TCERG1L: variants seen among roughly 807,000 people sequenced by gnomAD.
TCERG1L encodes transcription elongation regulator 1-like protein.
In TCERG1L, 37 loss-of-function variants were observed where a neutral mutation model predicts 56.3. That is an observed-to-expected ratio of 0.66 (90% CI 0.51 to 0.87). TCERG1L has a LOEUF of 0.87. Among genes scored for constraint, TCERG1L ranks in the 40% least tolerant of loss-of-function variants. The probability of loss-of-function intolerance (pLI) is 0.00; values close to 1 mark genes in which losing one functional copy is unlikely to be tolerated. For missense variants in TCERG1L, 799 were observed against 774.2 expected (o/e 1.03, Z -0.38); for synonymous variants, 324 against 326.3 (o/e 0.99, Z 0.08).
intron 3 of TCERG1L, among the ~76,000 whole-genome samples, chr10:131,271,382 C>T (rs1846338558): frequency 6.6e-6 from 1 of 152,214 alleles, no homozygotes; most frequent in African/African-American, 2.4e-5. Flanking sequence ...AGGTAGGAGC[C>T]AGCCTCAGTC....
At position 131,146,560 on chromosome 10, in the gene TCERG1L, G is replaced by A. The variant is rs1225974676; in HGVS notation, c.1135C>T (p.Leu379Phe). 6.2e-7 allele frequency: 1 copy of A among 1,613,856 alleles called. No homozygotes were observed. Among genetic ancestry groups the A allele is most frequent in the African/African-American group, 1.3e-5 (1 of 75,030 alleles). The part of the protein sequence containing the change: ...KPMDLKDRGD[L>F]NRIIEDPPHK... ...GGCGGGTCCTCAATGATCCTGTTGA[G>A]GTCTCCGCGGTCCTTCAGGTCCATG... The change falls in exon 7 of 12, where the codon CTC (leucine) becomes TTC (phenylalanine). Residue 379 changes from leucine (L) to phenylalanine (F), a missense_variant. Coordinates refer to ENST00000368642, the MANE Select transcript of TCERG1L (RefSeq NM_174937.4).
intron 4 of TCERG1L, among the ~76,000 whole-genome samples, chr10:131,254,083 C>T (rs1195224382): frequency 6.6e-6 from 1 of 152,058 alleles, no homozygotes; most frequent in Non-Finnish European, 1.5e-5. Flanking sequence ...ACATGAGACA[C>T]CAGGGGGTGG....
At chr10:131,247,622 A>G (rs73398454) in intron 4 of TCERG1L, among the ~76,000 whole-genome samples, 2 of 152,202 alleles carry the variant, frequency 1.3e-5, no homozygotes, top group Admixed American at 1.3e-4. Context: ...GAACCCTGGA[A>G]GAATAACCAC....
chr10:131,194,095 C>T (rs991247244), intron 4 of TCERG1L, among the ~76,000 whole-genome samples: 7 of 152,350 alleles, frequency 4.6e-5, no homozygotes, highest in South Asian at 2.1e-4. Context: ...TCCGGCACTC[C>T]GGCCACACCA....
chr10:131,094,554 G>A (rs1225444756), intron 11 of TCERG1L, among the ~76,000 whole-genome samples: 4 of 152,290 alleles, frequency 2.6e-5, no homozygotes, highest in East Asian at 3.9e-4. Context: ...AGGCGCTGCC[G>A]TTTTCCTGCT....
chr10:131,270,256 A>G (rs1171601950), intron 3 of TCERG1L, among the ~76,000 whole-genome samples: 1 of 152,206 alleles, frequency 6.6e-6, no homozygotes. Context: ...AAGGGCGCAA[A>G]GCCAGCCAGA....
At chr10:131,202,437 C>T (rs950445189) in intron 4 of TCERG1L, among the ~76,000 whole-genome samples, 5 of 152,094 alleles carry the variant, frequency 3.3e-5, no homozygotes, top group African/African-American at 1.2e-4. Context: ...CAAAAATGAG[C>T]CAGGCGTGGT....
In TCERG1L at chr10:131,203,489, G is replaced by A. The variant is rs192325173; in HGVS notation, c.857-36604C>T. ...GCTGGCCCCAATCACAGGTGCTCAC[G>A]TCTCTATTTTAAGGGAATGCATGCA... On this transcript the variant is annotated intron_variant, in intron 4 of 11. Coordinates refer to ENST00000368642, the MANE Select transcript of TCERG1L (RefSeq NM_174937.4). 3.3e-3 allele frequency among the ~76,000 whole-genome samples: 500 copies of A among 152,272 alleles called. 1 individual carries two copies. The highest frequency in any genetic ancestry group is 0.012 in the African/African-American group (479 of 41,562).
intron 10 of TCERG1L, among the ~76,000 whole-genome samples, chr10:131,102,117 C>T (rs1484173634): frequency 1.3e-5 from 2 of 152,338 alleles, no homozygotes; most frequent in East Asian, 3.9e-4. Context: ...CCAAACTCAG[C>T]TAACTCTATT....
intron 4 of TCERG1L, among the ~76,000 whole-genome samples, chr10:131,243,010 CTCA>C (rs550152588): frequency 2.0e-3 from 297 of 152,254 alleles, no homozygotes; most frequent in African/African-American, 7.0e-3. Context: ...TTTTGTGAAA[CTCA>C]TCATGTTACT....
rs370868747 is a variant in TCERG1L, at chr10:131,098,283, C to T, written c.1604+23G>A. The T allele has an allele frequency of 3.2e-6, 5 of 1,547,404 alleles. No homozygotes were observed. In the African/African-American group the frequency reaches 6.9e-5, roughly 21 times the overall value. On this transcript the variant is annotated intron_variant, in intron 11 of 11. Coordinates refer to ENST00000368642, the MANE Select transcript of TCERG1L (RefSeq NM_174937.4). ...GTAAGTTCCCAGCCCCAGAAATCATCCGGTATATTTCTCTCTCCATACCTG... is the reference window on the plus strand; with the variant it reads ...GTAAGTTCCCAGCCCCAGAAATCATTCGGTATATTTCTCTCTCCATACCTG...
chr10:131,100,584 C>T (rs1197725385), intron 10 of TCERG1L, among the ~76,000 whole-genome samples: 1 of 152,192 alleles, frequency 6.6e-6, no homozygotes, highest in Admixed American at 6.5e-5. Context: ...TATGTTCTAG[C>T]GCAAAAAAAC....
At chr10:131,258,270 G>T (rs540917073) in intron 4 of TCERG1L, among the ~76,000 whole-genome samples, 2 of 152,360 alleles carry the variant, frequency 1.3e-5, no homozygotes, top group South Asian at 2.1e-4. Flanking sequence ...AAAACAGCCC[G>T]AATGGCGCAG....
intron 10 of TCERG1L, among the ~76,000 whole-genome samples, chr10:131,101,411 T>A (rs1049208226): frequency 6.6e-6 from 1 of 152,202 alleles, no homozygotes; most frequent in Non-Finnish European, 1.5e-5. Context: ...GTGAGAATGA[T>A]CTTACTTATT....
Position 131,265,556 on chromosome 10 carries a change from AG to A in TCERG1L, c.671-5113del, listed in dbSNP as rs559600108. On this transcript the variant is annotated intron_variant, in intron 3 of 11. Coordinates refer to ENST00000368642, the MANE Select transcript of TCERG1L (RefSeq NM_174937.4). ...TCGGAATTGAGTACCAGCAAACCTC[AG>A]AGATAACGTGGGTTCAGTACCAGAC... Among the ~76,000 whole-genome samples the A allele has an allele frequency of 1.9e-3, 289 of 152,358 alleles. 1 individual carries two copies. The highest frequency in any genetic ancestry group is 6.8e-3 in the African/African-American group (284 of 41,590).
In TCERG1L at chr10:131,093,328, A is replaced by G. The variant is rs190327819; in HGVS notation, c.1605-10T>C. Reference sequence around the variant, plus strand: ...CTCCTTAAACGTGGTCCTGAAAAAGAAAGAGTTTCCTGAGACACCTTCCAG... The same window carrying G: ...CTCCTTAAACGTGGTCCTGAAAAAGGAAGAGTTTCCTGAGACACCTTCCAG... On this transcript the variant is annotated splice_polypyrimidine_tract_variant and intron_variant, in intron 11 of 11. Transcript: ENST00000368642. The G allele has an allele frequency of 6.2e-7, 1 of 1,611,662 alleles. No individual in the cohort carries two copies. Among genetic ancestry groups the G allele is most frequent in the East Asian group, 2.2e-5 (1 of 44,858 alleles).
At chr10:131,233,910 G>C (rs1318391902) in intron 4 of TCERG1L, among the ~76,000 whole-genome samples, 4 of 152,162 alleles carry the variant, frequency 2.6e-5, no homozygotes, top group Non-Finnish European at 4.4e-5. Flanking sequence ...GGACAGACTA[G>C]ATTATTTTTG....
intron 9 of TCERG1L, among the ~76,000 whole-genome samples, chr10:131,116,342 G>A (rs748745437): frequency 1.1e-4 from 16 of 152,248 alleles, no homozygotes; most frequent in Middle Eastern, 3.4e-3. Flanking sequence ...CAGTGAGGTC[G>A]GGCACCGCGA....
At chr10:131,219,253 A>G (rs1845704853) in intron 4 of TCERG1L, among the ~76,000 whole-genome samples, 1 of 152,186 alleles carries the variant, frequency 6.6e-6, no homozygotes, top group Non-Finnish European at 1.5e-5. Flanking sequence ...CCACAGGCCA[A>G]TTCGGGAGCC....
Sources: gnomAD v4.1 joint callset for allele counts (sites outside exome capture counted in the v4.1 genomes callset) on GRCh38, gnomAD v4.1.1 for gene constraint, MANE v1.5 for transcripts, NCBI Gene and HGNC (gene_info 2026-07-23, HGNC 2026-07-21) for gene names.